The following PRRC2B variants were observed in gnomAD, a reference collection of about 807,000 sequenced individuals.
PRRC2B encodes the protein proline rich coiled-coil 2B.
Under a neutral mutation model 242.3 loss-of-function variants are expected in PRRC2B, and 68 were observed. The ratio of observed to expected loss-of-function variants is 0.28; its 90% CI spans 0.23 to 0.34. PRRC2B has a LOEUF of 0.34. Among genes scored for constraint, PRRC2B ranks in the 10% least tolerant of loss-of-function variants. The pLI, the probability that PRRC2B is intolerant of heterozygous loss-of-function variation, is 1.00. For missense variants in PRRC2B, 2,835 were observed against 2,954.8 expected (o/e 0.96, Z 0.94); for synonymous variants, 1,228 against 1,173.6 (o/e 1.05, Z -0.95).
intron 5 of PRRC2B, among the ~76,000 whole-genome samples, chr9:131,443,547 C>T (rs140334508): frequency 5.9e-5 from 9 of 152,172 alleles, no homozygotes; most frequent in South Asian, 2.1e-4. Context: ...GATCCTCCCA[C>T]CCCAGCCTCC....
intron 1 of PRRC2B, among the ~76,000 whole-genome samples, chr9:131,409,315 C>G (rs1837447912): frequency 6.6e-6 from 1 of 152,124 alleles, no homozygotes; most frequent in African/African-American, 2.4e-5. Flanking sequence ...AGCCACCGCA[C>G]CTTACAGGTG....
At chr9:131,424,584 G>C (rs1044656616) in intron 1 of PRRC2B, among the ~76,000 whole-genome samples, 2 of 152,120 alleles carry the variant, frequency 1.3e-5, no homozygotes, top group Non-Finnish European at 2.9e-5. Context: ...TACTCGGGAG[G>C]CTGAGGCTGG....
At position 131,475,074 on chromosome 9, in the gene PRRC2B, C is replaced by T. The variant is rs371689498; in HGVS notation, c.2945C>T (p.Thr982Met). Residue 982 changes from threonine (T) to methionine (M), a missense_variant, in exon 16 of 32, where the codon ACG becomes ATG. Coordinates refer to ENST00000683519, the MANE Select transcript of PRRC2B (RefSeq NM_013318.4). ...RLAKEKEQSP[T>M]AEKDEDEEND... ...GCCAAGGAGAAGGAGCAGAGCCCCA[C>T]GGCAGAAAAGGATGAGGACGAAGAG... 10 of 1,610,794 alleles carry T rather than the reference C, an allele frequency of 6.2e-6. No individual in the cohort carries two copies. The highest frequency in any genetic ancestry group is 4.5e-5 in the East Asian group (2 of 44,754).
At position 131,486,157 on chromosome 9, in the gene PRRC2B, T is replaced by C; in HGVS notation, c.5831T>C (p.Ile1944Thr). The change falls in exon 26 of 32, where the codon ATA becomes ACA. Residue 1944 changes from isoleucine to threonine, a missense_variant. This residue lies in a region of PRRC2B where 574 missense variants were observed against 626.0 expected (regional missense o/e 0.92). Coordinates refer to ENST00000683519, the MANE Select transcript of PRRC2B (RefSeq NM_013318.4). ...CAGCCCCGGCTGGTTCCTCAAACGA[T>C]ACCTCAGCAGCAGAGTTACCAACAG... The part of the protein sequence containing the change: ...ASQPRLVPQT[I>T]PQQQSYQQAA... The C allele has an allele frequency of 6.2e-7, 1 of 1,612,028 alleles. No homozygotes were observed.
In PRRC2B at chr9:131,487,076, C is replaced by A; in HGVS notation, c.5857-91C>A. 1.8e-6 allele frequency: 2 copies of A among 1,136,018 alleles called. No individual in the cohort carries two copies. Among genetic ancestry groups the A allele is most frequent in the Non-Finnish European group, 2.6e-6 (2 of 765,716 alleles). 70.4% of individuals were successfully genotyped at this position (1,136,018 alleles called of 1,614,324 possible). A position where few individuals can be genotyped will look rare whatever the true frequency, so the allele number is the denominator to read the frequency against. ...TGAATTTTGGGCAGTGTTCCAGCAG[C>A]CATGTGGAGAGGGGCAGGGGAGGTG... is the stretch of plus-strand genomic sequence containing the variant. On this transcript the variant is annotated intron_variant, in intron 26 of 31. Coordinates refer to ENST00000683519, the MANE Select transcript of PRRC2B (RefSeq NM_013318.4). This position sits in a 1 kb window ranked among gnomAD's most constrained non-coding sequence, Gnocchi z 5.3.
chr9:131,472,908 A>G (rs151319069), intron 14 of PRRC2B, among the ~76,000 whole-genome samples: 176 of 152,254 alleles, frequency 1.2e-3, no homozygotes, highest in Middle Eastern at 3.4e-3. Flanking sequence ...TTTTGCTTCT[A>G]CATTTCATTT....
chr9:131,461,133 C>T (rs1004611816), intron 11 of PRRC2B, among the ~76,000 whole-genome samples: 49 of 152,184 alleles, frequency 3.2e-4, no homozygotes, highest in African/African-American at 1.1e-3. Context: ...CATCGTCCCT[C>T]GTATTTATAC....
intron 3 of PRRC2B, among the ~76,000 whole-genome samples, chr9:131,436,300 G>T (rs1187860359): frequency 6.6e-6 from 1 of 152,170 alleles, no homozygotes; most frequent in African/African-American, 2.4e-5. Flanking sequence ...GGGAAGCAGA[G>T]GTTGCATTGA....
chr9:131,405,515 C>CAA (rs1345131401), intron 1 of PRRC2B, among the ~76,000 whole-genome samples: 1 of 152,128 alleles, frequency 6.6e-6, no homozygotes, highest in Non-Finnish European at 1.5e-5. Flanking sequence ...TCTCACTTCT[C>CAA]GACTCAACCT....
rs753915173 is a variant in PRRC2B at position 131,478,094 on chromosome 9, G to A, written c.4612+145G>A. The stretch of plus-strand genomic sequence containing the variant: ...AGGCCCTGGGCTGGGTTCTGGGGCT[G>A]TAGAGGTGAGCAGAGTAGGTAGGAT... On this transcript the variant is annotated intron_variant, in intron 17 of 31. Coordinates refer to ENST00000683519, the MANE Select transcript of PRRC2B (RefSeq NM_013318.4). 1.4e-4 allele frequency: 93 copies of A among 681,276 alleles called. 2 individuals are homozygous for A. The highest frequency in any genetic ancestry group is 8.2e-4 in the South Asian group (44 of 53,716). 42.2% of individuals were successfully genotyped at this position (681,276 alleles called of 1,614,324 possible). A position where few individuals can be genotyped will look rare whatever the true frequency, so the allele number is the denominator to read the frequency against.
chr9:131,487,324 G>C lies in PRRC2B; in HGVS notation c.5984+30G>C, dbSNP rs745621894. Reference sequence around the variant, plus strand: ...GCTCATGTACCAGCTTGCGGAGCTGGCAGCTCACAGCCAGGGCCTTGGCCC... The same window carrying C: ...GCTCATGTACCAGCTTGCGGAGCTGCCAGCTCACAGCCAGGGCCTTGGCCC... On this transcript the variant is annotated intron_variant, in intron 27 of 31. Coordinates refer to ENST00000683519, the MANE Select transcript of PRRC2B (RefSeq NM_013318.4). This position sits in a 1 kb window ranked among gnomAD's most constrained non-coding sequence, Gnocchi z 5.3. The C allele has an allele frequency of 1.9e-6, 3 of 1,555,364 alleles. No homozygotes were observed. Among genetic ancestry groups the C allele is most frequent in the Non-Finnish European group, 2.6e-6 (3 of 1,146,744 alleles).
chr9:131,482,617 T>C lies in PRRC2B; in HGVS notation c.5175+55T>C. 1 of 1,534,232 alleles carries C rather than the reference T, an allele frequency of 6.5e-7. No individual in the cohort carries two copies. Among genetic ancestry groups the C allele is most frequent in the Non-Finnish European group, 8.8e-7 (1 of 1,136,368 alleles). ...AGGGCCTGGGTGGAAGGGGCCATCGTCTCATCATCTTCCTCAATTCCTGGG... is the reference window on the plus strand; with the variant it reads ...AGGGCCTGGGTGGAAGGGGCCATCGCCTCATCATCTTCCTCAATTCCTGGG... On this transcript the variant is annotated intron_variant, in intron 21 of 31. Transcript: ENST00000683519. The surrounding 1 kb of genome is among the most constrained non-coding windows in gnomAD (Gnocchi z 5.2).
chr9:131,470,962 C>T lies in PRRC2B; in HGVS notation c.2086C>T (p.Pro696Ser). 6.2e-7 allele frequency: 1 copy of T among 1,611,862 alleles called. No homozygotes were observed. The highest frequency in any genetic ancestry group is 8.5e-7 in the Non-Finnish European group (1 of 1,178,704). The change falls in exon 14 of 32, where the codon CCC becomes TCC. Residue 696 changes from proline to serine, a missense_variant. Transcript: ENST00000683519. ...CACTCGGACCCCGGTGGACTTCTAC[C>T]CCTCCGCCCTGCATCCCTCAGGTAA... ...TPTRTPVDFY[P>S]SALHPSGLMK...
chr9:131,445,808 C>T (rs192675962), intron 6 of PRRC2B, among the ~76,000 whole-genome samples: 36 of 152,328 alleles, frequency 2.4e-4, no homozygotes, highest in Non-Finnish European at 2.6e-4. Flanking sequence ...TCCACCCGAT[C>T]TTACCACATT....
Position 131,448,806 on chromosome 9 carries a change from G to A in PRRC2B, c.1120+1002G>A, listed in dbSNP as rs1434516430. On this transcript the variant is annotated intron_variant, in intron 9 of 31. Coordinates refer to ENST00000683519, the MANE Select transcript of PRRC2B (RefSeq NM_013318.4). ...CTTTTATAGTTCTTTTTATTTTCAA[G>A]TAGATTTAAATTATAGTGAAAGGTA... Among the ~76,000 whole-genome samples, 41 of 151,908 alleles carry A rather than the reference G, an allele frequency of 2.7e-4. 1 individual carries two copies. The highest frequency in any genetic ancestry group is 2.7e-3 in the Admixed American group (41 of 15,252).
intron 1 of PRRC2B, among the ~76,000 whole-genome samples, chr9:131,380,421 T>A (rs1836740360): frequency 6.6e-6 from 1 of 151,642 alleles, no homozygotes; most frequent in South Asian, 2.1e-4. Flanking sequence ...CTACTAAAAA[T>A]ACAACAAATT....
chr9:131,399,276 CAAA>C (rs72492020), intron 1 of PRRC2B, among the ~76,000 whole-genome samples: 3 of 44,214 alleles, frequency 6.8e-5, no homozygotes, highest in Admixed American at 2.8e-4. Flanking sequence ...AATTCTGTCT[CAAA>C]AAAAAAAAAA....
chr9:131,379,980 T>TTA (rs369121507), intron 1 of PRRC2B, among the ~76,000 whole-genome samples: 32 of 147,814 alleles, frequency 2.2e-4, no homozygotes, highest in African/African-American at 5.9e-4. Flanking sequence ...TAAGAGTTAT[T>TTA]TATATATATA....
At chr9:131,404,102 C>G (rs1316633835) in intron 1 of PRRC2B, among the ~76,000 whole-genome samples, 1 of 151,942 alleles carries the variant, frequency 6.6e-6, no homozygotes, top group Non-Finnish European at 1.5e-5. Context: ...TTCATGTGAA[C>G]AGACCTGCCA....
Sources: gnomAD v4.1 joint callset for allele counts (sites outside exome capture counted in the v4.1 genomes callset) on GRCh38, gnomAD v4.1.1 for gene constraint, gnomAD v4.1.1 regional missense constraint, Gnocchi (gnomAD v3.1) non-coding constraint, MANE v1.5 for transcripts, NCBI Gene and HGNC (gene_info 2026-07-23, HGNC 2026-07-21) for gene names.